Variants in SBF2 observed in about 807,000 individuals in gnomAD.
The protein encoded by SBF2 is myotubularin-related protein 13.
A neutral mutation model predicts 225.2 loss-of-function variants in SBF2; 112 were observed. The observed-to-expected ratio is 0.50, with a 90% CI of 0.43 to 0.58. SBF2 has a LOEUF of 0.58. Among genes scored for constraint, SBF2 ranks in the 20% least tolerant of loss-of-function variants. The pLI, the probability that SBF2 is intolerant of heterozygous loss-of-function variation, is 0.00. For synonymous variants in SBF2, 763 were observed against 773.3 expected (o/e 0.99, Z 0.22); for missense variants, 1,996 against 2,206.2 (o/e 0.90, Z 1.91).
chr11:10,118,246 T>C (rs899168236), intron 2 of SBF2, among the ~76,000 whole-genome samples: 3 of 152,216 alleles, frequency 2.0e-5, no homozygotes, highest in Non-Finnish European at 4.4e-5. Flanking sequence ...GATGACTCTA[T>C]TCCTATTTGT....
chr11:9,802,620 C>T (rs953957406), intron 32 of SBF2, among the ~76,000 whole-genome samples: 7 of 152,154 alleles, frequency 4.6e-5, no homozygotes, highest in Admixed American at 3.9e-4. Context: ...CCCTGAGAGA[C>T]TGAGGGCAGC....
chr11:10,239,129 A>G (rs755366656), intron 1 of SBF2, among the ~76,000 whole-genome samples: 5 of 150,710 alleles, frequency 3.3e-5, no homozygotes, highest in Non-Finnish European at 7.4e-5. Context: ...GTGTATATGT[A>G]TATCTGCATG....
intron 25 of SBF2, among the ~76,000 whole-genome samples, chr11:9,840,799 AGGATGTGGTGTACGT>A (rs1366863081): frequency 3.9e-5 from 6 of 152,172 alleles, no homozygotes; most frequent in Non-Finnish European, 8.8e-5. Context: ...TTTTTGTTAG[AGGATGTGGTGTACGT>A]GGGAAATCCC....
At chr11:10,203,166 G>T (rs967952662) in intron 1 of SBF2, among the ~76,000 whole-genome samples, 2 of 152,076 alleles carry the variant, frequency 1.3e-5, no homozygotes, top group African/African-American at 4.8e-5. Context: ...AGAGGTTAGG[G>T]TTCACAGAGT....
intron 12 of SBF2, 62 bp downstream of exon 12, chr11:9,992,353 T>A: frequency 7.2e-7 from 1 of 1,381,132 alleles, no homozygotes; most frequent in Non-Finnish European, 9.9e-7. Context: ...TGTTACTTTT[T>A]ACTTTTAACT....
rs1851916783 is a variant in SBF2 at position 9,780,133 on chromosome 11, G to C, written c.*285C>G. 1 of 425,934 alleles carries C rather than the reference G, an allele frequency of 2.3e-6. No individual in the cohort carries two copies. Among genetic ancestry groups the C allele is most frequent in the African/African-American group, 2.0e-5 (1 of 49,742 alleles). 26.4% of individuals were successfully genotyped at this position (425,934 alleles called of 1,614,324 possible). A position where few individuals can be genotyped will look rare whatever the true frequency, so the allele number is the denominator to read the frequency against. On this transcript the variant is annotated 3_prime_UTR_variant, in exon 40 of 40. Coordinates refer to ENST00000256190, the MANE Select transcript of SBF2 (RefSeq NM_030962.4). ...GGTGGTAGCCATTTTGCCTGGGTGA[G>C]GTTCACAGTTGGCTCAGGAGACATC...
At chr11:9,930,753 A>G (rs894156574) in intron 16 of SBF2, among the ~76,000 whole-genome samples, 1 of 152,214 alleles carries the variant, frequency 6.6e-6, no homozygotes, top group Non-Finnish European at 1.5e-5. Flanking sequence ...CTGGTTGGAC[A>G]GTGGGTGCAG....
chr11:10,056,371 G>T (rs1950258344), intron 2 of SBF2, among the ~76,000 whole-genome samples: 1 of 152,182 alleles, frequency 6.6e-6, no homozygotes, highest in African/African-American at 2.4e-5. Context: ...TCCTATATAT[G>T]AGCATGGGAT....
intron 17 of SBF2, among the ~76,000 whole-genome samples, chr11:9,892,537 C>T (rs1464372346): frequency 1.3e-5 from 2 of 150,490 alleles, no homozygotes; most frequent in South Asian, 4.2e-4. Flanking sequence ...CCTTTCTGTA[C>T]TATCTGGAAA....
At chr11:9,794,186 C>T (rs1852939650) in intron 33 of SBF2, among the ~76,000 whole-genome samples, 1 of 151,460 alleles carries the variant, frequency 6.6e-6, no homozygotes, top group Non-Finnish European at 1.5e-5. Flanking sequence ...GCCTCAAAAA[C>T]AAAACAAAAC....
At chr11:9,789,593 C>G (rs1042990386) in intron 34 of SBF2, among the ~76,000 whole-genome samples, 4 of 152,168 alleles carry the variant, frequency 2.6e-5, no homozygotes, top group Non-Finnish European at 5.9e-5. Context: ...ATAGAGAATT[C>G]TTGGATTCCT....
chr11:9,847,270 C>T (rs1421289340), intron 22 of SBF2, among the ~76,000 whole-genome samples, 187 bp from the exon 23 acceptor site: 1 of 152,110 alleles, frequency 6.6e-6, no homozygotes, highest in African/African-American at 2.4e-5. Context: ...AAGTGACTTA[C>T]ATTTCACACA....
intron 36 of SBF2, among the ~76,000 whole-genome samples, chr11:9,787,039 G>A (rs192044185): frequency 1.5e-3 from 232 of 152,210 alleles, no homozygotes; most frequent in Non-Finnish European, 2.7e-3. Context: ...GGGATTACAG[G>A]CATGCGCCAC....
chr11:10,106,299 AG>A (rs1349506465), intron 2 of SBF2, among the ~76,000 whole-genome samples: 1 of 152,218 alleles, frequency 6.6e-6, no homozygotes, highest in Admixed American at 6.5e-5. Context: ...CCTTTGCTAC[AG>A]GGGTAAGGCA....
intron 16 of SBF2, among the ~76,000 whole-genome samples, chr11:9,937,133 C>G (rs115270792): frequency 6.6e-6 from 1 of 151,996 alleles, no homozygotes; most frequent in African/African-American, 2.4e-5. Flanking sequence ...AAGAAAATTG[C>G]CCAGAATTTA....
intron 1 of SBF2, among the ~76,000 whole-genome samples, chr11:10,226,728 A>G (rs1958577452): frequency 6.6e-6 from 1 of 152,170 alleles, no homozygotes; most frequent in South Asian, 2.1e-4. Context: ...CCAGTCTATC[A>G]TTGTTGGACA....
intron 16 of SBF2, among the ~76,000 whole-genome samples, chr11:9,952,434 G>C (rs1865913091): frequency 6.6e-6 from 1 of 152,120 alleles, no homozygotes; most frequent in Non-Finnish European, 1.5e-5. Flanking sequence ...TCTGCTCGCA[G>C]AGATACCTGA....
chr11:9,816,395 A>G (rs1854459771), intron 29 of SBF2, among the ~76,000 whole-genome samples: 1 of 152,160 alleles, frequency 6.6e-6, no homozygotes. Context: ...CCTTGCCTCC[A>G]TACATGGTAC....
intron 2 of SBF2, among the ~76,000 whole-genome samples, chr11:10,115,686 C>G (rs549793982): frequency 6.6e-6 from 1 of 152,144 alleles, no homozygotes; most frequent in East Asian, 1.9e-4. Flanking sequence ...TCCTAATCTA[C>G]GAGACACATA....
Sources: gnomAD v4.1 joint callset for allele counts (sites outside exome capture counted in the v4.1 genomes callset) on GRCh38, gnomAD v4.1.1 for gene constraint, MANE v1.5 for transcripts, NCBI Gene and HGNC (gene_info 2026-07-23, HGNC 2026-07-21) for gene names.